The following PSME4 variants were observed in gnomAD, a reference collection of about 807,000 sequenced individuals.
PSME4 encodes the protein proteasome activator complex subunit 4.
Under a neutral mutation model 253.9 loss-of-function variants are expected in PSME4, and 89 were observed. That is an observed-to-expected ratio of 0.35 (90% confidence interval 0.30 to 0.42). The LOEUF is 0.42. Ranked by LOEUF, PSME4 falls within the 10% of genes least tolerant of loss-of-function variation. The probability of loss-of-function intolerance (pLI) is 1.00; values close to 1 mark genes in which losing one functional copy is unlikely to be tolerated. For missense variants in PSME4, 2,014 were observed against 2,195.2 expected (o/e 0.92, Z 1.65); for synonymous variants, 851 against 759.2 (o/e 1.12, Z -1.99).
intron 7 of PSME4, 143 bp from the exon 8 acceptor site, chr2:53,934,870 A>G: frequency 1.5e-6 from 1 of 658,628 alleles, no homozygotes; most frequent in Non-Finnish European, 2.5e-6. Flanking sequence ...GTATTTAGTA[A>G]CTTGCTTTAT....
At chr2:53,940,244 A>C (rs777648443) in intron 3 of PSME4, among the ~76,000 whole-genome samples, 1 of 152,190 alleles carries the variant, frequency 6.6e-6, no homozygotes. Flanking sequence ...AAAAGGTTAC[A>C]CTGGGAAAAG....
chr2:53,956,814 A>T (rs923233515), intron 1 of PSME4, among the ~76,000 whole-genome samples: 9 of 152,160 alleles, frequency 5.9e-5, no homozygotes, highest in African/African-American at 2.2e-4. Flanking sequence ...TACAATGTTT[A>T]AAATCAGATA....
chr2:53,865,557 AAGTGAGGACT>A lies in PSME4; in HGVS notation c.*11_*20del, dbSNP rs1180997078. On this transcript the variant is annotated 3_prime_UTR_variant, in exon 47 of 47. Coordinates refer to ENST00000404125, the MANE Select transcript of PSME4 (RefSeq NM_014614.3). ...TGGAATTTTTGATGAAAAGAGCCTG[AAGTGAGGACT>A]AGTCATCTGTATCAGGGAGGAAAAA... 1.3e-5 allele frequency: 2 copies of A among 152,336 alleles called. No homozygotes were observed. Among genetic ancestry groups the A allele is most frequent in the Non-Finnish European group, 2.9e-5 (2 of 68,142 alleles). 9.4% of individuals were successfully genotyped at this position (152,336 alleles called of 1,614,324 possible). A position where few individuals can be genotyped will look rare whatever the true frequency, so the allele number is the denominator to read the frequency against.
intron 3 of PSME4, among the ~76,000 whole-genome samples, chr2:53,940,957 A>ATATT (rs1669397051): frequency 5.2e-5 from 1 of 19,154 alleles, no homozygotes; most frequent in Non-Finnish European, 9.5e-5. Flanking sequence ...ATATACATAT[A>ATATT]TATATATATA....
At position 53,920,235 on chromosome 2, in the gene PSME4, A is replaced by C. The variant is rs923618295; in HGVS notation, c.2378T>G (p.Val793Gly). 1 of 1,613,368 alleles carries C rather than the reference A, an allele frequency of 6.2e-7. No homozygotes were observed. Among genetic ancestry groups the C allele is most frequent in the Non-Finnish European group, 8.5e-7 (1 of 1,179,612 alleles). Residue 793 changes from valine to glycine, a missense_variant, in exon 19 of 47, where the codon GTC (valine) becomes GGC (glycine). Physicochemically the swap from Val to Gly is moderately radical, Grantham distance 109 (BLOSUM62 -3). Coordinates refer to ENST00000404125, the MANE Select transcript of PSME4 (RefSeq NM_014614.3). The stretch of plus-strand genomic sequence containing the variant: ...TCCATCCCCACAATGCTGGAGTTTG[A>C]CGAGCTCAGGCTGAAGAAAGGAGTC... ...LLDSFLQPEL[V>G]KLQHCGDGKL... is the part of the protein sequence containing the mutation.
chr2:53,921,204 T>C (rs940421166), intron 17 of PSME4, 100 bp from the exon 18 acceptor site: 2 of 1,511,108 alleles, frequency 1.3e-6, no homozygotes, highest in Non-Finnish European at 1.8e-6. Context: ...CTAGTGTTTC[T>C]CTAAATGACT....
At chr2:53,910,897 G>C (rs532035735) in intron 20 of PSME4, among the ~76,000 whole-genome samples, 1 of 152,134 alleles carries the variant, frequency 6.6e-6, no homozygotes, top group East Asian at 1.9e-4. Context: ...TAATCAAAGA[G>C]ATACATTCTA....
chr2:53,883,525 T>G (rs1679492504), intron 41 of PSME4, among the ~76,000 whole-genome samples: 1 of 152,168 alleles, frequency 6.6e-6, no homozygotes, highest in African/African-American at 2.4e-5. Context: ...TAAGCTGCCA[T>G]TCGCTGGTCT....
At chr2:53,958,356 A>AAAAAAAAC (rs55941470) in intron 1 of PSME4, among the ~76,000 whole-genome samples, 1 of 150,910 alleles carries the variant, frequency 6.6e-6, no homozygotes, top group Non-Finnish European at 1.5e-5. Context: ...ACTCCATCTC[A>AAAAAAAAC]AAAAAAACAA....
intron 43 of PSME4, among the ~76,000 whole-genome samples, chr2:53,873,073 T>C (rs1399390317): frequency 2.0e-5 from 3 of 151,550 alleles, no homozygotes; most frequent in African/African-American, 7.3e-5. Context: ...ACCCCGTCTC[T>C]ACTAAAAATA....
At chr2:53,945,426 C>G (rs1034790038) in intron 3 of PSME4, among the ~76,000 whole-genome samples, 5 of 151,872 alleles carry the variant, frequency 3.3e-5, no homozygotes, top group Non-Finnish European at 7.4e-5. Context: ...AGAAAGTAGA[C>G]TGAGATGAGG....
chr2:53,865,328 T>C lies in PSME4; in HGVS notation c.*250A>G, dbSNP rs1678514994. 6.6e-6 allele frequency: 1 copy of C among 150,692 alleles called. No individual in the cohort carries two copies. The highest frequency in any genetic ancestry group is 2.2e-4 in the South Asian group (1 of 4,510). 9.3% of individuals were successfully genotyped at this position (150,692 alleles called of 1,614,324 possible). On this transcript the variant is annotated 3_prime_UTR_variant, in exon 47 of 47. Transcript: ENST00000404125. ...GGTAATTATTTCTAGTCTGAGACTT[T>C]GTGACTTTGTCAGATGCCTCAAAAA...
chr2:53,887,784 T>C (rs1462406013), intron 39 of PSME4, 74 bp downstream of exon 39: 12 of 1,445,250 alleles, frequency 8.3e-6, no homozygotes, highest in Admixed American at 8.3e-5. Flanking sequence ...CCAGCATGTA[T>C]TATTACCTAT....
At chr2:53,875,445 C>T (rs1679075116) in intron 42 of PSME4, among the ~76,000 whole-genome samples, 182 bp downstream of exon 42, 2 of 152,168 alleles carry the variant, frequency 1.3e-5, no homozygotes, top group Admixed American at 1.3e-4. Flanking sequence ...TCACAGAAGG[C>T]AGGGGCAGAG....
At position 53,937,486 on chromosome 2, in the gene PSME4, C is replaced by T. The variant is rs775683167; in HGVS notation, c.600G>A (p.Met200Ile). Residue 200 changes from methionine (M) to isoleucine (I), a missense_variant, in exon 5 of 47, where the codon ATG becomes ATA. Physicochemically the swap from Met to Ile is conservative, Grantham distance 10 (BLOSUM62 1). Around this residue, in one of 4 missense-constraint regions of PSME4, gnomAD observed 615 missense variants for 594.4 expected, o/e 1.03. Transcript: ENST00000404125. ...AEMLEEWRPLMCPFDVTMQKA... is the reference protein window; with the variant it reads ...AEMLEEWRPLICPFDVTMQKA... ...TTTGCATGGTTACATCAAAAGGGCA[C>T]ATTAAAGGTCGCCATTCTTCTAGCA... 3 of 1,611,232 alleles carry T rather than the reference C, an allele frequency of 1.9e-6. No individual in the cohort carries two copies. The highest frequency in any genetic ancestry group is 2.5e-6 in the Non-Finnish European group (3 of 1,178,546).
intron 14 of PSME4, 95 bp from the exon 15 acceptor site, chr2:53,923,514 C>T (rs556244097): frequency 7.2e-7 from 1 of 1,395,084 alleles, no homozygotes; most frequent in East Asian, 2.7e-5. Flanking sequence ...TTAGACAATT[C>T]CAAAAATAAG....
intron 4 of PSME4, among the ~76,000 whole-genome samples, chr2:53,939,318 TAAC>T (rs1272856538): frequency 6.6e-6 from 1 of 152,156 alleles, no homozygotes; most frequent in Non-Finnish European, 1.5e-5. Flanking sequence ...AATAACTTGA[TAAC>T]AACACAAAAA....
chr2:53,966,117 T>C (rs1307972569), intron 1 of PSME4, among the ~76,000 whole-genome samples: 1 of 151,838 alleles, frequency 6.6e-6, no homozygotes, highest in African/African-American at 2.4e-5. Context: ...AAACCCCCTC[T>C]CTAATAAAAA....
chr2:53,907,992 A>G (rs977734285), intron 24 of PSME4: 5 of 240,458 alleles, frequency 2.1e-5, no homozygotes, highest in Non-Finnish European at 3.2e-5. Flanking sequence ...ATAAAGTGTA[A>G]TGCTTTAAAT....
Sources: allele counts gnomAD v4.1 joint callset (sites outside exome capture counted in the v4.1 genomes callset), GRCh38; gene constraint gnomAD v4.1.1; regional missense constraint gnomAD v4.1.1; transcripts MANE v1.5; gene names NCBI Gene and HGNC (gene_info 2026-07-23, HGNC 2026-07-21).